Variants in CCNG2 observed in about 807,000 individuals in gnomAD.
CCNG2 encodes the protein cyclin-G2.
A neutral mutation model predicts 36.5 loss-of-function variants in CCNG2; 20 were observed. The ratio of observed to expected loss-of-function variants is 0.55; its 90% CI spans 0.39 to 0.80. CCNG2 has a LOEUF of 0.80. Among genes scored for constraint, CCNG2 ranks in the 30% least tolerant of loss-of-function variants. The pLI is 0.00. For synonymous variants in CCNG2, 155 were observed against 140.1 expected (o/e 1.11, Z -0.75); for missense variants, 358 against 390.8 (o/e 0.92, Z 0.71).
intron 3 of CCNG2, 117 bp downstream of exon 3, chr4:77,159,621 A>G: frequency 6.5e-6 from 6 of 924,966 alleles, no homozygotes; most frequent in East Asian, 2.6e-5. Flanking sequence ...ATAAAAATTT[A>G]TAATCAGAAT....
rs1308335431 is a variant in CCNG2 at position 77,168,500 on chromosome 4, C to T, written c.*2576C>T. The T allele has an allele frequency of 5.9e-5, 9 of 152,230 alleles. No homozygotes were observed. The highest frequency in any genetic ancestry group is 2.2e-4 in the African/African-American group (9 of 41,464). 9.4% of individuals were successfully genotyped at this position (152,230 alleles called of 1,614,324 possible). A position where few individuals can be genotyped will look rare whatever the true frequency, so the allele number is the denominator to read the frequency against. On this transcript the variant is annotated 3_prime_UTR_variant, in exon 8 of 8. Coordinates refer to ENST00000316355, the MANE Select transcript of CCNG2 (RefSeq NM_004354.3). ...AAATCTATTCATGACATACAAGTCT[C>T]TGTCTAATCTGAACACTGCACCTGT...
rs757793829 is a variant in CCNG2 at position 77,165,920 on chromosome 4, C to G, written c.1031C>G (p.Ser344Cys). ...GTGGCACAAACACTGTGCTTTCCAT[C>G]TTAGAAATCTGATTGTTCTGTCAGA... ...FKVAQTLCFP[S>C] The change falls in exon 8 of 8, where the codon TCT (serine) becomes TGT (cysteine). Residue 344 changes from serine to cysteine, a missense_variant. By Grantham distance (112) the Ser-to-Cys change is moderately radical (BLOSUM62 -1). Transcript: ENST00000316355. 3 of 1,594,850 alleles carry G rather than the reference C, an allele frequency of 1.9e-6. No homozygotes were observed. The highest frequency in any genetic ancestry group is 2.6e-6 in the Non-Finnish European group (3 of 1,174,480).
intron 1 of CCNG2, among the ~76,000 whole-genome samples, 199 bp downstream of exon 1, chr4:77,157,705 G>A (rs1731300247): frequency 6.6e-6 from 1 of 152,110 alleles, no homozygotes; most frequent in South Asian, 2.1e-4. Flanking sequence ...TGGGGTGGAA[G>A]GAGGTTGCGA....
intron 6 of CCNG2, among the ~76,000 whole-genome samples, chr4:77,162,174 G>A (rs79005695): frequency 1.3e-5 from 2 of 152,108 alleles, no homozygotes; most frequent in African/African-American, 4.8e-5. Flanking sequence ...TTTTAAACCC[G>A]AATGTCTTTT....
intron 3 of CCNG2, among the ~76,000 whole-genome samples, 184 bp from the exon 4 acceptor site, chr4:77,160,537 G>T (rs911391155): frequency 8.7e-5 from 13 of 149,510 alleles, no homozygotes; most frequent in South Asian, 2.1e-4. Flanking sequence ...TTTTTGGGGG[G>T]GGGGGGAGGT....
Position 77,167,454 on chromosome 4 carries a change from C to T in CCNG2, c.*1530C>T, listed in dbSNP as rs573856523. ...AGAGACTGGTATATTACCAGAATGC[C>T]TATTAATTTTCAGTGAGAGGCAACA... is the stretch of plus-strand genomic sequence containing the variant. On this transcript the variant is annotated 3_prime_UTR_variant, in exon 8 of 8. Transcript: ENST00000316355. The T allele has an allele frequency of 1.3e-5, 2 of 152,126 alleles. No homozygotes were observed. Among genetic ancestry groups the T allele is most frequent in the Non-Finnish European group, 2.9e-5 (2 of 68,036 alleles). 9.4% of individuals were successfully genotyped at this position (152,126 alleles called of 1,614,324 possible).
At chr4:77,164,502 T>A in intron 7 of CCNG2, 23 bp downstream of exon 7, 1 of 1,541,520 alleles carries the variant, frequency 6.5e-7, no homozygotes, top group Non-Finnish European at 9.0e-7. Flanking sequence ...CTTGACTAAT[T>A]AAACTTCCCT....
In CCNG2 at chr4:77,166,269, A is replaced by G. The variant is rs1731632231; in HGVS notation, c.*345A>G. Reference sequence around the variant, plus strand: ...GTGTAGCTTATCTTAAACATTTTATAAAACCTTCAGATGTCTTTAAGCAGA... The same window carrying G: ...GTGTAGCTTATCTTAAACATTTTATGAAACCTTCAGATGTCTTTAAGCAGA... On this transcript the variant is annotated 3_prime_UTR_variant, in exon 8 of 8. Transcript: ENST00000316355. 1 of 161,128 alleles carries G rather than the reference A, an allele frequency of 6.2e-6. No homozygotes were observed. Among genetic ancestry groups the G allele is most frequent in the African/African-American group, 2.4e-5 (1 of 41,694 alleles). 10.0% of individuals were successfully genotyped at this position (161,128 alleles called of 1,614,324 possible).
rs1005747870 is a variant in CCNG2, at chr4:77,167,395, C to T, written c.*1471C>T. On this transcript the variant is annotated 3_prime_UTR_variant, in exon 8 of 8. Coordinates refer to ENST00000316355, the MANE Select transcript of CCNG2 (RefSeq NM_004354.3). ...GAGAATCTGTCATTTGACAATTGAC[C>T]TCTTTGTGGGATGGACTCATTAAGT... The T allele has an allele frequency of 6.6e-6, 1 of 152,112 alleles. No individual in the cohort carries two copies. The highest frequency in any genetic ancestry group is 2.4e-5 in the African/African-American group (1 of 41,416). 9.4% of individuals were successfully genotyped at this position (152,112 alleles called of 1,614,324 possible).
chr4:77,160,235 T>G (rs1731390741), intron 3 of CCNG2, among the ~76,000 whole-genome samples: 2 of 152,184 alleles, frequency 1.3e-5, no homozygotes, highest in African/African-American at 2.4e-5. Flanking sequence ...TGGGAGAGAT[T>G]ATATTATGAA....
rs779938159 is a variant in CCNG2, at chr4:77,161,651, A to G, written c.609A>G (p.Pro203=). ...NCRLIFSKAK[P]SVLALCLLNL... ...CTTTTTTTTCTTTTTTCTTACAGCC[A>G]TCTGTATTAGCCTTGTGCCTTCTCA... is the stretch of plus-strand genomic sequence containing the variant. Residue 203 remains proline (P), a splice_region_variant and synonymous_variant, in exon 6 of 8, where the codon CCA becomes CCG. Transcript: ENST00000316355. 3.1e-6 allele frequency: 5 copies of G among 1,587,642 alleles called. No individual in the cohort carries two copies. Among genetic ancestry groups the G allele is most frequent in the Non-Finnish European group, 4.3e-6 (5 of 1,169,558 alleles).
chr4:77,157,984 C>T (rs1039486137), intron 1 of CCNG2, among the ~76,000 whole-genome samples: 1 of 151,978 alleles, frequency 6.6e-6, no homozygotes, highest in South Asian at 2.1e-4. Flanking sequence ...AGTCCGGAAT[C>T]GGCGCTGCAG....
intron 2 of CCNG2, 78 bp from the exon 3 acceptor site, chr4:77,159,289 C>A: frequency 7.3e-7 from 1 of 1,361,094 alleles, no homozygotes; most frequent in Non-Finnish European, 1.0e-6. Context: ...AAAAATTAAC[C>A]TTATTCTTTG....
chr4:77,161,412 T>C, intron 4 of CCNG2, 68 bp from the exon 5 acceptor site: 1 of 1,100,870 alleles, frequency 9.1e-7, no homozygotes, highest in South Asian at 1.6e-5. Context: ...CTGGCAAATA[T>C]TTAAAATCAT....
rs186596950 is a variant in CCNG2 at position 77,159,516 on chromosome 4, T to A, written c.276+12T>A. 6.2e-7 allele frequency: 1 copy of A among 1,607,626 alleles called. No individual in the cohort carries two copies. The highest frequency in any genetic ancestry group is 2.2e-5 in the East Asian group (1 of 44,776). On this transcript the variant is annotated intron_variant, in intron 3 of 7. Transcript: ENST00000316355. Reference sequence around the variant, plus strand: ...TGGCTCTTATGAAGGTATTTCATCATTTTTATAAATATGTCTTCCTTTTTC... The same window carrying A: ...TGGCTCTTATGAAGGTATTTCATCAATTTTATAAATATGTCTTCCTTTTTC...
chr4:77,157,919 G>T (rs1419050702), intron 1 of CCNG2, among the ~76,000 whole-genome samples: 2 of 151,850 alleles, frequency 1.3e-5, no homozygotes, highest in East Asian at 1.9e-4. Flanking sequence ...GACCGTAGCC[G>T]GGTGTGCCGC....
In CCNG2 at chr4:77,164,468, T is replaced by C; in HGVS notation, c.900T>C (p.Asp300=). ...LPTIPEGGCF[D]ESESEDSCED... is the part of the protein sequence containing the mutation. ...CGATACCTGAGGGGGGTTGTTTTGA[T>C]GAAAGTGAAAGGTAGGCAGGTTCCT... is the stretch of plus-strand genomic sequence containing the variant. Residue 300 remains aspartate, a synonymous_variant, in exon 7 of 8, where the codon GAT becomes GAC. Transcript: ENST00000316355. 6.2e-7 allele frequency: 1 copy of C among 1,613,578 alleles called. No homozygotes were observed. The highest frequency in any genetic ancestry group is 8.5e-7 in the Non-Finnish European group (1 of 1,179,532).
chr4:77,158,286 C>T, intron 1 of CCNG2: 1 of 501,728 alleles, frequency 2.0e-6, no homozygotes, highest in Non-Finnish European at 3.6e-6. Context: ...GCCAAGAGGC[C>T]AGGGCTGGCC....
In CCNG2 at chr4:77,167,948, CT is replaced by C; in HGVS notation, c.*2027del. 6.6e-6 allele frequency: 1 copy of C among 152,314 alleles called. No individual in the cohort carries two copies. The highest frequency in any genetic ancestry group is 2.1e-4 in the South Asian group (1 of 4,824). The allele number at this position is 152,314 out of a possible 1,614,324, so 9.4% of individuals were successfully genotyped here. ...GGGGCTTACCAAATCTCAAGACTCT[CT>C]TTAGCTCCTGCAGGATTGTATTGCT... is the stretch of plus-strand genomic sequence containing the variant. On this transcript the variant is annotated 3_prime_UTR_variant, in exon 8 of 8. Transcript: ENST00000316355.
Sources: gnomAD v4.1 joint callset for allele counts (sites outside exome capture counted in the v4.1 genomes callset) on GRCh38, gnomAD v4.1.1 for gene constraint, MANE v1.5 for transcripts, NCBI Gene and HGNC (gene_info 2026-07-23, HGNC 2026-07-21) for gene names.